SLC24A2: variants seen among roughly 807,000 people sequenced by gnomAD.
SLC24A2 encodes sodium/potassium/calcium exchanger 2.
In SLC24A2, 36 loss-of-function variants were observed where a neutral mutation model predicts 62.0. The ratio of observed to expected loss-of-function variants is 0.58; its 90% CI spans 0.44 to 0.77. The LOEUF is 0.77. Ranked by LOEUF, SLC24A2 falls within the 30% of genes least tolerant of loss-of-function variation. The pLI is 0.00. For missense variants in SLC24A2, 846 were observed against 817.9 expected (o/e 1.03, Z -0.42); for synonymous variants, 358 against 294.0 (o/e 1.22, Z -2.23).
At chr9:19,905,786 A>G in the SLC24A2 span, among the ~76,000 whole-genome samples, 5 of 152,168 alleles carry the variant, frequency 3.3e-5, no homozygotes, top group African/African-American at 1.2e-4. Flanking sequence ...TCTGCAAATT[A>G]AACTAACAAA....
intron 2 of SLC24A2, among the ~76,000 whole-genome samples, chr9:19,760,446 G>T (rs533959053): frequency 6.6e-6 from 1 of 152,026 alleles, no homozygotes; most frequent in East Asian, 1.9e-4. Flanking sequence ...TATACATGTG[G>T]CATGGTGGTT....
upstream of SLC24A2, among the ~76,000 whole-genome samples, chr9:19,790,702 A>G (rs1359278182): frequency 6.6e-6 from 1 of 152,138 alleles, no homozygotes; most frequent in Non-Finnish European, 1.5e-5. Context: ...ACAATTGTGC[A>G]TTTATTTTGC....
chr9:19,613,587 A>C (rs572418190), intron 4 of SLC24A2, among the ~76,000 whole-genome samples: 1 of 152,292 alleles, frequency 6.6e-6, no homozygotes, highest in Admixed American at 6.5e-5. Context: ...AGCTTTTAAA[A>C]AACCCTCTCT....
chr9:19,623,375 C>T (rs1817956454), intron 2 of SLC24A2, among the ~76,000 whole-genome samples: 1 of 152,116 alleles, frequency 6.6e-6, no homozygotes, highest in African/African-American at 2.4e-5. Flanking sequence ...AGGAGAGTAG[C>T]CAGATGCAGA....
the SLC24A2 span, among the ~76,000 whole-genome samples, chr9:19,872,492 G>A: frequency 6.6e-6 from 1 of 152,130 alleles, no homozygotes; most frequent in African/African-American, 2.4e-5. Flanking sequence ...GTCTGTCTCA[G>A]GTCGTTTTCC....
the SLC24A2 span, among the ~76,000 whole-genome samples, chr9:20,076,866 T>TATATATC: frequency 3.4e-5 from 2 of 58,242 alleles, no homozygotes. Flanking sequence ...CATATGTATA[T>TATATATC]ATATATATAT....
the SLC24A2 span, among the ~76,000 whole-genome samples, chr9:19,937,073 T>C: frequency 6.6e-6 from 1 of 151,944 alleles, no homozygotes; most frequent in Admixed American, 6.6e-5. Context: ...TAAAATTGAG[T>C]CAAGAATTAG....
At chr9:19,597,149 A>T in intron 5 of SLC24A2, 80 bp downstream of exon 5, 2 of 946,698 alleles carry the variant, frequency 2.1e-6, no homozygotes, top group East Asian at 2.4e-5. Flanking sequence ...AGAGAGGAAA[A>T]AAAAGAATAA....
At chr9:20,103,234 C>G in the SLC24A2 span, among the ~76,000 whole-genome samples, 1,035 of 152,324 alleles carry the variant, frequency 6.8e-3, 9 homozygotes, top group Non-Finnish European at 0.011. Flanking sequence ...CTCAAGGAGG[C>G]CTGCCTGCCT....
At chr9:19,864,412 C>T in the SLC24A2 span, among the ~76,000 whole-genome samples, 1 of 151,836 alleles carries the variant, frequency 6.6e-6, no homozygotes, top group Non-Finnish European at 1.5e-5. Flanking sequence ...CACTACAGGT[C>T]AATGTACCTG....
At chr9:19,832,719 A>G in the SLC24A2 span, among the ~76,000 whole-genome samples, 1 of 152,242 alleles carries the variant, frequency 6.6e-6, no homozygotes, top group African/African-American at 2.4e-5. Flanking sequence ...AGCAATGGCA[A>G]CCAAAGCCAA....
At chr9:19,804,630 A>C in the SLC24A2 span, among the ~76,000 whole-genome samples, 1 of 151,978 alleles carries the variant, frequency 6.6e-6, no homozygotes, top group Admixed American at 6.6e-5. Context: ...AAGATGCTTT[A>C]TTTTCATTTT....
chr9:20,157,459 G>A, the SLC24A2 span, among the ~76,000 whole-genome samples: 1 of 151,682 alleles, frequency 6.6e-6, no homozygotes, highest in Non-Finnish European at 1.5e-5. Context: ...ATACATGGGT[G>A]AAACAGAAAA....
chr9:19,943,214 T>A, the SLC24A2 span, among the ~76,000 whole-genome samples: 1 of 152,192 alleles, frequency 6.6e-6, no homozygotes, highest in African/African-American at 2.4e-5. Flanking sequence ...TAATTTATAA[T>A]ATTCCATTGG....
At chr9:19,941,038 G>A in the SLC24A2 span, among the ~76,000 whole-genome samples, 1 of 152,206 alleles carries the variant, frequency 6.6e-6, no homozygotes, top group Non-Finnish European at 1.5e-5. Context: ...CTGGCTGAAA[G>A]CTGCCATAAA....
the SLC24A2 span, among the ~76,000 whole-genome samples, chr9:19,976,323 G>T: frequency 6.6e-6 from 1 of 152,234 alleles, no homozygotes; most frequent in Non-Finnish European, 1.5e-5. Flanking sequence ...GGGGCCTGGT[G>T]GGAGGTGACT....
At chr9:19,560,944 G>GAAAGACAGAC in intron 7 of SLC24A2, among the ~76,000 whole-genome samples, 1 of 143,118 alleles carries the variant, frequency 7.0e-6, no homozygotes, top group Admixed American at 7.1e-5. Flanking sequence ...GAGAGAGAGA[G>GAAAGACAGAC]AGACAGAGTC....
At chr9:19,757,233 C>G (rs1381715932) in intron 2 of SLC24A2, among the ~76,000 whole-genome samples, 1 of 152,030 alleles carries the variant, frequency 6.6e-6, no homozygotes, top group Non-Finnish European at 1.5e-5. Flanking sequence ...ACCCCGAGAA[C>G]TGAGCATGGG....
the SLC24A2 span, among the ~76,000 whole-genome samples, chr9:20,109,080 C>T: frequency 1.3e-5 from 2 of 152,122 alleles, no homozygotes; most frequent in Admixed American, 6.6e-5. Context: ...ACATGTTGTA[C>T]AGACTTGTAG....
Sources: allele counts gnomAD v4.1 joint callset (sites outside exome capture counted in the v4.1 genomes callset), GRCh38; gene constraint gnomAD v4.1.1; transcripts MANE v1.5; gene names NCBI Gene and HGNC (gene_info 2026-07-23, HGNC 2026-07-21).